Variants in TNRC6B observed in about 807,000 individuals in gnomAD.
The protein encoded by TNRC6B is trinucleotide repeat containing adaptor 6B, also known as trinucleotide repeat-containing gene 6B protein.
TNRC6B carries 52 observed loss-of-function variants against 203.6 expected under a neutral mutation model. That is an observed-to-expected ratio of 0.26 (90% CI 0.20 to 0.32). The LOEUF (loss-of-function observed/expected upper bound fraction) is 0.32. Among genes scored for constraint, TNRC6B ranks in the 10% least tolerant of loss-of-function variants. TNRC6B has a pLI of 1.00. For synonymous variants in TNRC6B, 838 were observed against 845.7 expected (o/e 0.99, Z 0.16); for missense variants, 1,923 against 2,286.2 (o/e 0.84, Z 3.24).
Position 40,251,199 on chromosome 22 carries a change from A to G in TNRC6B, c.114A>G (p.Lys38=). Residue 38 remains lysine, a splice_region_variant and synonymous_variant, in exon 3 of 23, where the codon AAA becomes AAG. Coordinates refer to ENST00000454349, the MANE Select transcript of TNRC6B (RefSeq NM_001162501.2). ...TGCAGGTCACGGAACAAAAAACCAA[A>G]GGTAAGATCTTTTTTTTCTTTTTAA... is the stretch of plus-strand genomic sequence containing the variant. ...ATQKVTEQKT[K]VPEVTKPSLS... is the part of the protein sequence containing the mutation. The G allele has an allele frequency of 6.5e-7, 1 of 1,534,260 alleles. No individual in the cohort carries two copies.
rs1194634442 is a variant in TNRC6B at position 40,281,218 on chromosome 22, T to A, written c.3511T>A (p.Ser1171Thr). 2 of 1,551,594 alleles carry A rather than the reference T, an allele frequency of 1.3e-6. No homozygotes were observed. Among genetic ancestry groups the A allele is most frequent in the South Asian group, 2.4e-5 (2 of 84,052 alleles). Residue 1171 changes from serine (S) to threonine (T), a missense_variant, in exon 11 of 23, where the codon TCC becomes ACC. Physicochemically the swap from Ser to Thr is moderately conservative, Grantham distance 58 (BLOSUM62 1). Coordinates refer to ENST00000454349, the MANE Select transcript of TNRC6B (RefSeq NM_001162501.2). ...SPSYKLSPSG[S>T]TLPNVSLGAI... Reference sequence around the variant, plus strand: ...CAGCTACAAGCTGTCTCCCTCTGGTTCCACACTACCCAACGTCAGCCTTGG... The same window carrying A: ...CAGCTACAAGCTGTCTCCCTCTGGTACCACACTACCCAACGTCAGCCTTGG...
chr22:40,206,808 C>T (rs2069484769), intron 1 of TNRC6B, among the ~76,000 whole-genome samples: 1 of 152,122 alleles, frequency 6.6e-6, no homozygotes, highest in Admixed American at 6.5e-5. Context: ...GGAGAGGCGA[C>T]AGGTGACACT....
chr22:40,273,621 C>G, intron 7 of TNRC6B, 21 bp downstream of exon 7: 1 of 1,543,016 alleles, frequency 6.5e-7, no homozygotes, highest in African/African-American at 1.4e-5. Flanking sequence ...TAGAAATGTT[C>G]GCACTTGCTC....
intron 12 of TNRC6B, among the ~76,000 whole-genome samples, chr22:40,291,901 A>G (rs1248121328): frequency 6.6e-6 from 1 of 152,222 alleles, no homozygotes; most frequent in Non-Finnish European, 1.5e-5. Flanking sequence ...GTAAACATAG[A>G]AGATACTGAG....
At chr22:40,147,907 T>TA (rs758319140) in intron 3 of TNRC6B, among the ~76,000 whole-genome samples, 1 of 152,214 alleles carries the variant, frequency 6.6e-6, no homozygotes, top group Non-Finnish European at 1.5e-5. Flanking sequence ...TGACTGCTGT[T>TA]ACGTAAGTAG....
intron 1 of TNRC6B, among the ~76,000 whole-genome samples, chr22:40,060,788 C>G (rs950652011): frequency 6.6e-6 from 1 of 152,168 alleles, no homozygotes; most frequent in African/African-American, 2.4e-5. Context: ...CAAGTTGTAA[C>G]AATATGTGTG....
intron 1 of TNRC6B, among the ~76,000 whole-genome samples, chr22:40,098,384 CAA>C (rs1056495905): frequency 1.4e-4 from 7 of 51,486 alleles, no homozygotes; most frequent in African/African-American, 3.9e-4. Context: ...GACTCCGTCT[CAA>C]AAAAAAAAAA....
chr22:40,171,451 G>A (rs893629607), intron 4 of TNRC6B, among the ~76,000 whole-genome samples: 2 of 151,942 alleles, frequency 1.3e-5, no homozygotes, highest in African/African-American at 4.8e-5. Context: ...GTGAGCCACC[G>A]CACCCGGCCA....
chr22:40,123,637 C>T (rs2068463668), intron 2 of TNRC6B, among the ~76,000 whole-genome samples: 1 of 152,192 alleles, frequency 6.6e-6, no homozygotes, highest in Non-Finnish European at 1.5e-5. Flanking sequence ...GCAGACAGTA[C>T]AGCACCAGAC....
intron 1 of TNRC6B, among the ~76,000 whole-genome samples, chr22:40,231,370 T>A (rs2069867146): frequency 6.6e-6 from 1 of 152,190 alleles, no homozygotes; most frequent in Admixed American, 6.5e-5. Context: ...AGTCTTTTCA[T>A]TCATGAGCAT....
In TNRC6B at chr22:40,301,193, AGC is replaced by A; in HGVS notation, c.3981_3982del (p.Gln1328GlufsTer69). ...GCACTGCAGCAGCAGCAGCAGCAGC[AGC>A]AGAGGCAGCCAGGCATGAAGCACTC... is the stretch of plus-strand genomic sequence containing the variant. On this transcript the variant is annotated frameshift_variant, in exon 15 of 23. Transcript: ENST00000454349. LOFTEE classifies it high-confidence loss of function. The A allele has an allele frequency of 6.4e-7, 1 of 1,553,858 alleles. No homozygotes were observed. Among genetic ancestry groups the A allele is most frequent in the African/African-American group, 1.4e-5 (1 of 73,254 alleles).
At chr22:40,212,273 A>G (rs2069575022) in intron 1 of TNRC6B, among the ~76,000 whole-genome samples, 1 of 152,170 alleles carries the variant, frequency 6.6e-6, no homozygotes, top group South Asian at 2.1e-4. Context: ...CACCTACCAC[A>G]TCTGTGACCT....
At chr22:40,199,297 A>G (rs928692702) in intron 1 of TNRC6B, among the ~76,000 whole-genome samples, 2 of 152,156 alleles carry the variant, frequency 1.3e-5, no homozygotes, top group Non-Finnish European at 2.9e-5. Context: ...CTTCAAAAAT[A>G]CTTAATGATT....
At chr22:40,072,843 A>G (rs912264287) in intron 1 of TNRC6B, among the ~76,000 whole-genome samples, 3 of 140,022 alleles carry the variant, frequency 2.1e-5, no homozygotes, top group African/African-American at 8.8e-5. Context: ...CAGCCTGGGC[A>G]ACAGAGCGAG....
chr22:40,152,293 T>C (rs1414892555), intron 3 of TNRC6B, among the ~76,000 whole-genome samples: 2 of 152,194 alleles, frequency 1.3e-5, no homozygotes, highest in African/African-American at 4.8e-5. Flanking sequence ...CTCAAAATTT[T>C]GGACGGAAAA....
intron 1 of TNRC6B, among the ~76,000 whole-genome samples, chr22:40,242,224 G>A (rs947034673): frequency 6.6e-6 from 1 of 151,986 alleles, no homozygotes; most frequent in African/African-American, 2.4e-5. Flanking sequence ...GCGCACGTGC[G>A]TGTGTGAAGG....
chr22:40,121,996 G>C (rs2068451129), intron 2 of TNRC6B, among the ~76,000 whole-genome samples: 1 of 152,140 alleles, frequency 6.6e-6, no homozygotes, highest in East Asian at 1.9e-4. Flanking sequence ...TAAAGTCCAA[G>C]GCCCAAAGTC....
chr22:40,110,433 C>G (rs1466807695), intron 1 of TNRC6B, among the ~76,000 whole-genome samples: 1 of 152,214 alleles, frequency 6.6e-6, no homozygotes, highest in Non-Finnish European at 1.5e-5. Flanking sequence ...GCTGCCTCTG[C>G]TGTTCTTGTA....
intron 1 of TNRC6B, among the ~76,000 whole-genome samples, chr22:40,235,417 G>T (rs1353380709): frequency 6.6e-6 from 1 of 152,136 alleles, no homozygotes; most frequent in Non-Finnish European, 1.5e-5. Flanking sequence ...TGTTACAGGG[G>T]TAGGCTCCAG....
Sources: gnomAD v4.1 joint callset for allele counts (sites outside exome capture counted in the v4.1 genomes callset) on GRCh38, gnomAD v4.1.1 for gene constraint, MANE v1.5 for transcripts, NCBI Gene and HGNC (gene_info 2026-07-23, HGNC 2026-07-21) for gene names.